Variants in SULT1E1 observed in about 807,000 individuals in gnomAD.
The protein encoded by SULT1E1 is sulfotransferase family 1E member 1, also known as sulfotransferase 1E1.
In SULT1E1, 36 loss-of-function variants were observed where a neutral mutation model predicts 33.6. The observed-to-expected ratio is 1.07, with a 90% CI of 0.82 to 1.41. The LOEUF is 1.41. Among genes scored for constraint, SULT1E1 ranks in the 40% most tolerant of loss-of-function variants. SULT1E1 has a pLI of 0.00. For missense variants in SULT1E1, 371 were observed against 345.7 expected (o/e 1.07, Z -0.58); for synonymous variants, 121 against 111.7 (o/e 1.08, Z -0.53).
the SULT1E1 span, among the ~76,000 whole-genome samples, chr4:69,835,466 C>A: frequency 2.0e-5 from 3 of 152,060 alleles, no homozygotes; most frequent in African/African-American, 7.2e-5. Flanking sequence ...AGAAAGATAA[C>A]CATTATGTCT....
intron 4 of SULT1E1, among the ~76,000 whole-genome samples, chr4:69,851,275 C>T (rs1335448644): frequency 6.6e-6 from 1 of 151,884 alleles, no homozygotes; most frequent in Admixed American, 6.6e-5. Flanking sequence ...AACAAATTTA[C>T]AAGAAAAAAA....
chr4:69,823,588 C>T, the SULT1E1 span, among the ~76,000 whole-genome samples: 4 of 152,050 alleles, frequency 2.6e-5, no homozygotes, highest in African/African-American at 7.2e-5. Flanking sequence ...GCTTTGTGGC[C>T]CATACGGTGT....
At chr4:69,828,715 C>T in the SULT1E1 span, among the ~76,000 whole-genome samples, 9 of 152,314 alleles carry the variant, frequency 5.9e-5, no homozygotes, top group African/African-American at 1.7e-4. Flanking sequence ...GCACAAACAG[C>T]CTGCTTCCAT....
At chr4:69,859,502 T>A (rs1038085009) in intron 1 of SULT1E1, among the ~76,000 whole-genome samples, 1 of 152,262 alleles carries the variant, frequency 6.6e-6, no homozygotes, top group Admixed American at 6.5e-5. Context: ...TCAGAAATAT[T>A]TGTTAAGTTC....
the SULT1E1 span, among the ~76,000 whole-genome samples, chr4:69,823,040 C>T: frequency 6.6e-6 from 1 of 152,158 alleles, no homozygotes; most frequent in African/African-American, 2.4e-5. Flanking sequence ...GGTGCTATTG[C>T]TGCAGAAAAA....
At chr4:69,826,310 GC>G in the SULT1E1 span, among the ~76,000 whole-genome samples, 1 of 152,128 alleles carries the variant, frequency 6.6e-6, no homozygotes, top group African/African-American at 2.4e-5. Context: ...GTCGGTAAGG[GC>G]CACTAAATCT....
At chr4:69,847,215 A>AT (rs905842229) in intron 6 of SULT1E1, among the ~76,000 whole-genome samples, 4 of 149,626 alleles carry the variant, frequency 2.7e-5, no homozygotes, top group Admixed American at 1.3e-4. Context: ...GTATTTGGCT[A>AT]TTTTTTTTCA....
At chr4:69,822,488 G>A in the SULT1E1 span, among the ~76,000 whole-genome samples, 2 of 152,142 alleles carry the variant, frequency 1.3e-5, no homozygotes, top group African/African-American at 2.4e-5. Context: ...TGCACCTGCA[G>A]TCCCAGCTAC....
the SULT1E1 span, among the ~76,000 whole-genome samples, chr4:69,832,353 C>T: frequency 6.6e-6 from 1 of 152,220 alleles, no homozygotes; most frequent in African/African-American, 2.4e-5. Context: ...TCATCTCTCC[C>T]TCCTGGCTGG....
chr4:69,857,465 T>C, intron 2 of SULT1E1, 35 bp downstream of exon 2: 1 of 1,576,172 alleles, frequency 6.3e-7, no homozygotes, highest in African/African-American at 1.4e-5. Context: ...GTGTTTGTTA[T>C]TTTTAGGTGA....
At chr4:69,843,283 C>A (rs1310520679) in intron 7 of SULT1E1, among the ~76,000 whole-genome samples, 1 of 152,156 alleles carries the variant, frequency 6.6e-6, no homozygotes, top group Non-Finnish European at 1.5e-5. Flanking sequence ...AGCAGCAAGT[C>A]ACCGTTTGCA....
At chr4:69,849,944 A>T (rs1721069246) in intron 4 of SULT1E1, among the ~76,000 whole-genome samples, 1 of 152,040 alleles carries the variant, frequency 6.6e-6, no homozygotes, top group Non-Finnish European at 1.5e-5. Context: ...TAAATCAATG[A>T]GAGTAAACCA....
At position 69,841,857 on chromosome 4, in the gene SULT1E1, A is replaced by T. The variant is rs1720892185; in HGVS notation, c.*137T>A. 6 of 539,484 alleles carry T rather than the reference A, an allele frequency of 1.1e-5. No individual in the cohort carries two copies. Among genetic ancestry groups the T allele is most frequent in the African/African-American group, 4.0e-5 (2 of 50,372 alleles). The allele number at this position is 539,484 out of a possible 1,614,324, so 33.4% of individuals were successfully genotyped here. A position where few individuals can be genotyped will look rare whatever the true frequency, so the allele number is the denominator to read the frequency against. ...CTCTGTCTCAAAAAAAAAAAAAAAAAGTTAAACAAAAATTTAAAAAGAAAA... is the reference window on the plus strand; with the variant it reads ...CTCTGTCTCAAAAAAAAAAAAAAAATGTTAAACAAAAATTTAAAAAGAAAA... On this transcript the variant is annotated 3_prime_UTR_variant, in exon 8 of 8. Transcript: ENST00000226444.
At chr4:69,852,406 T>C (rs1054442024) in intron 4 of SULT1E1, among the ~76,000 whole-genome samples, 3 of 152,196 alleles carry the variant, frequency 2.0e-5, no homozygotes, top group Non-Finnish European at 4.4e-5. Flanking sequence ...ATACTGAATC[T>C]TGCCTTCACC....
chr4:69,833,942 CCCTATAGCATTTGACCATTTTA>C, the SULT1E1 span, among the ~76,000 whole-genome samples: 3 of 152,140 alleles, frequency 2.0e-5, no homozygotes, highest in Non-Finnish European at 4.4e-5. Flanking sequence ...TATTTGCCTT[CCCTATAGCATTTGACCATTTTA>C]CCACTCCATC....
chr4:69,844,174 G>C lies in SULT1E1; in HGVS notation c.759C>G (p.Pro253=), dbSNP rs1720931758. ...PDEIMNQKLS[P]FMRKGITGDW... is the part of the protein sequence containing the mutation. ...CATTTTTCTCACCCTTTCTCATGAAGGGCGACAATTTCTGGTTCATAATTT... is the reference window on the plus strand; with the variant it reads ...CATTTTTCTCACCCTTTCTCATGAACGGCGACAATTTCTGGTTCATAATTT... Residue 253 remains proline, a synonymous_variant, in exon 7 of 8, where the codon CCC becomes CCG. Coordinates refer to ENST00000226444, the MANE Select transcript of SULT1E1 (RefSeq NM_005420.3). 1 of 1,613,874 alleles carries C rather than the reference G, an allele frequency of 6.2e-7. No individual in the cohort carries two copies.
the SULT1E1 span, among the ~76,000 whole-genome samples, chr4:69,827,610 AC>A: frequency 6.6e-6 from 1 of 152,156 alleles, no homozygotes; most frequent in South Asian, 2.1e-4. Context: ...TAAGTTTATT[AC>A]CCAGTCAGCC....
chr4:69,842,873 G>A (rs1445002590), intron 7 of SULT1E1, among the ~76,000 whole-genome samples: 6 of 144,908 alleles, frequency 4.1e-5, no homozygotes, highest in Admixed American at 3.5e-4. Context: ...GTCTCGCTCT[G>A]TCACCCAGGC....
rs1237995951 is a variant in SULT1E1 at position 69,841,985 on chromosome 4, A to C, written c.*9T>G. 1 of 1,467,936 alleles carries C rather than the reference A, an allele frequency of 6.8e-7. No homozygotes were observed. Among genetic ancestry groups the C allele is most frequent in the Admixed American group, 1.8e-5 (1 of 54,090 alleles). The allele number at this position is 1,467,936 out of a possible 1,614,324, so 90.9% of individuals were successfully genotyped here. On this transcript the variant is annotated 3_prime_UTR_variant, in exon 8 of 8. Coordinates refer to ENST00000226444, the MANE Select transcript of SULT1E1 (RefSeq NM_005420.3). The stretch of plus-strand genomic sequence containing the variant: ...TAATATCAGATATGTTAAGTAAAGA[A>C]AGACCTTCTTAGATCTCAGTTCGAA...
Sources: allele counts gnomAD v4.1 joint callset (sites outside exome capture counted in the v4.1 genomes callset), GRCh38; gene constraint gnomAD v4.1.1; transcripts MANE v1.5; gene names NCBI Gene and HGNC (gene_info 2026-07-23, HGNC 2026-07-21).